Variants in LRP1B observed in about 807,000 individuals in gnomAD.
The protein encoded by LRP1B is low-density lipoprotein receptor-related protein 1B.
In LRP1B, 217 loss-of-function variants were observed where a neutral mutation model predicts 556.6. The observed-to-expected ratio is 0.39, with a 90% confidence interval of 0.35 to 0.44. LRP1B has a LOEUF of 0.44. Ranked by LOEUF, LRP1B falls within the 20% of genes least tolerant of loss-of-function variation. The probability of loss-of-function intolerance (pLI) is 1.00; values close to 1 mark genes in which losing one functional copy is unlikely to be tolerated. For missense variants in LRP1B, 5,053 were observed against 5,620.8 expected, an observed-to-expected ratio of 0.90 and a Z score of 3.23; for synonymous variants, 2,047 against 1,865.8, an observed-to-expected ratio of 1.10 and a Z score of -2.50.
At chr2:140,774,474 C>T (rs971620964) in intron 33 of LRP1B, among the ~76,000 whole-genome samples, 1 of 152,106 alleles carries the variant, frequency 6.6e-6, no homozygotes, top group Non-Finnish European at 1.5e-5. Flanking sequence ...TGTATATTTA[C>T]AGCTTAAAAC....
chr2:140,486,599 T>C (rs151059698), intron 58 of LRP1B, among the ~76,000 whole-genome samples: 6,115 of 151,878 alleles, frequency 0.04, 171 homozygotes, highest in Non-Finnish European at 0.047. Context: ...CTTAAAAAAA[T>C]ATAAAGGTAA....
At chr2:141,887,168 G>A (rs1366467179) in intron 1 of LRP1B, among the ~76,000 whole-genome samples, 5 of 151,818 alleles carry the variant, frequency 3.3e-5, no homozygotes, top group Non-Finnish European at 7.4e-5. Context: ...GCTAATTTTT[G>A]TATTTTTAGT....
intron 2 of LRP1B, among the ~76,000 whole-genome samples, chr2:141,606,293 C>T (rs1687915476): frequency 6.6e-6 from 1 of 152,092 alleles, no homozygotes. Context: ...AATGAAGTAA[C>T]AGGTAAAAAT....
At chr2:140,768,768 G>A (rs984395844) in intron 35 of LRP1B, among the ~76,000 whole-genome samples, 4 of 151,874 alleles carry the variant, frequency 2.6e-5, no homozygotes, top group Non-Finnish European at 4.4e-5. Flanking sequence ...GGTGTAGCAT[G>A]TATAATTGTT....
intron 2 of LRP1B, among the ~76,000 whole-genome samples, chr2:141,491,082 C>T (rs963329391): frequency 6.6e-6 from 1 of 151,886 alleles, no homozygotes; most frequent in Non-Finnish European, 1.5e-5. Flanking sequence ...ATTACAAGCC[C>T]TCTGTGAAAA....
At chr2:140,430,374 A>T (rs1299418853) in intron 66 of LRP1B, among the ~76,000 whole-genome samples, 1 of 152,104 alleles carries the variant, frequency 6.6e-6, no homozygotes, top group Non-Finnish European at 1.5e-5. Context: ...CTTCCTCACT[A>T]CTCAAAGGTC....
chr2:140,837,689 G>A (rs1466825861), intron 31 of LRP1B, among the ~76,000 whole-genome samples: 3 of 150,594 alleles, frequency 2.0e-5, no homozygotes, highest in African/African-American at 7.3e-5. Context: ...TATCACCAAG[G>A]ACAAAAAACC....
chr2:141,882,486 C>T lies in LRP1B; in HGVS notation c.83-72085G>A, dbSNP rs145243808. On this transcript the variant is annotated intron_variant, in intron 1 of 90. Transcript: ENST00000389484. Reference sequence around the variant, plus strand: ...TCCTGGGTTTGTTGTATCAGAGTCCCAGAATTAAGATCACATTTGTTGGAA... The same window carrying T: ...TCCTGGGTTTGTTGTATCAGAGTCCTAGAATTAAGATCACATTTGTTGGAA... 3.3e-3 allele frequency among the ~76,000 whole-genome samples: 507 copies of T among 152,128 alleles called. 2 individuals are homozygous for T. The highest frequency in any genetic ancestry group is 0.012 in the African/African-American group (483 of 41,534).
chr2:140,733,943 C>A (rs1184298113), intron 35 of LRP1B, among the ~76,000 whole-genome samples: 1 of 152,206 alleles, frequency 6.6e-6, no homozygotes, highest in African/African-American at 2.4e-5. Context: ...TGTCTGGCAT[C>A]ATCTTAAAAT....
At chr2:140,436,499 T>A (rs1686185603) in intron 66 of LRP1B, among the ~76,000 whole-genome samples, 1 of 152,172 alleles carries the variant, frequency 6.6e-6, no homozygotes, top group Admixed American at 6.5e-5. Flanking sequence ...CATTAACTGT[T>A]ATTTTACAAT....
intron 2 of LRP1B, among the ~76,000 whole-genome samples, chr2:141,760,550 C>G (rs985290419): frequency 1.3e-5 from 2 of 152,090 alleles, no homozygotes; most frequent in African/African-American, 4.8e-5. Context: ...ATTGAGACAG[C>G]ATATATTTAG....
At chr2:141,422,968 AG>A (rs1375381038) in intron 3 of LRP1B, among the ~76,000 whole-genome samples, 1 of 152,224 alleles carries the variant, frequency 6.6e-6, no homozygotes, top group Non-Finnish European at 1.5e-5. Context: ...AGAGGAAAAA[AG>A]TCAGTTGAAA....
At chr2:142,005,128 A>T (rs901208804) in intron 1 of LRP1B, among the ~76,000 whole-genome samples, 5 of 148,852 alleles carry the variant, frequency 3.4e-5, no homozygotes, top group Non-Finnish European at 5.9e-5. Flanking sequence ...ATATAACTAT[A>T]TAGTATATAT....
chr2:141,910,220 T>G (rs900218355), intron 1 of LRP1B, among the ~76,000 whole-genome samples: 4 of 152,008 alleles, frequency 2.6e-5, no homozygotes, highest in Admixed American at 2.6e-4. Context: ...AACCAAATTT[T>G]GCTTGGGTTG....
intron 84 of LRP1B, among the ~76,000 whole-genome samples, chr2:140,290,823 A>C (rs574570967): frequency 4.3e-4 from 66 of 152,186 alleles, no homozygotes; most frequent in African/African-American, 1.5e-3. Context: ...TAAAAGTCGC[A>C]GCATGGTGGG....
chr2:140,597,389 A>G (rs181756802), intron 43 of LRP1B, among the ~76,000 whole-genome samples: 84 of 152,322 alleles, frequency 5.5e-4, no homozygotes, highest in African/African-American at 1.9e-3. Context: ...AATTGAGGAG[A>G]ATGAGTTATA....
At chr2:141,070,653 T>C (rs1474385030) in intron 7 of LRP1B, among the ~76,000 whole-genome samples, 3 of 151,578 alleles carry the variant, frequency 2.0e-5, no homozygotes, top group East Asian at 1.9e-4. Flanking sequence ...ATAGACGCAA[T>C]AAAAAATGAT....
chr2:140,443,149 C>T (rs4954837), intron 65 of LRP1B, among the ~76,000 whole-genome samples: 1 of 152,072 alleles, frequency 6.6e-6, no homozygotes, highest in Non-Finnish European at 1.5e-5. Context: ...CAACCTCCAC[C>T]TCCCAGAATC....
intron 31 of LRP1B, among the ~76,000 whole-genome samples, chr2:140,824,306 A>G (rs772380818): frequency 2.6e-5 from 4 of 152,062 alleles, no homozygotes; most frequent in Non-Finnish European, 4.4e-5. Context: ...AATCTATATG[A>G]GGCCTTTTGG....
Sources: allele counts gnomAD v4.1 joint callset (sites outside exome capture counted in the v4.1 genomes callset), GRCh38; gene constraint gnomAD v4.1.1; transcripts MANE v1.5; gene names NCBI Gene and HGNC (gene_info 2026-07-23, HGNC 2026-07-21).